SLCO1B1: variants seen among roughly 807,000 people sequenced by gnomAD.
SLCO1B1 encodes the protein OATP-2.
A neutral mutation model predicts 70.1 loss-of-function variants in SLCO1B1; 81 were observed. The observed-to-expected ratio is 1.16, with a 90% confidence interval of 0.97 to 1.39. The LOEUF is 1.39. Ranked by LOEUF, SLCO1B1 falls within the 40% of genes most tolerant of loss-of-function variation. The probability of loss-of-function intolerance (pLI) is 0.00; values close to 1 mark genes in which losing one functional copy is unlikely to be tolerated. For missense variants in SLCO1B1, 895 were observed against 799.6 expected (o/e 1.12, Z -1.44); for synonymous variants, 283 against 271.5 (o/e 1.04, Z -0.42).
At chr12:21,214,683 G>A (rs1265754288) in intron 11 of SLCO1B1, among the ~76,000 whole-genome samples, 2 of 151,828 alleles carry the variant, frequency 1.3e-5, no homozygotes, top group African/African-American at 4.8e-5. Context: ...CTTGCAGTTT[G>A]ATCTCAGACT....
At chr12:21,206,688 A>T (rs1014898825) in intron 11 of SLCO1B1, among the ~76,000 whole-genome samples, 1 of 151,796 alleles carries the variant, frequency 6.6e-6, no homozygotes, top group African/African-American at 2.4e-5. Flanking sequence ...CTTTCTTTCC[A>T]TGTGAACTAC....
rs1941621057 is a variant in SLCO1B1 at position 21,238,997 on chromosome 12, G to T, written c.1884G>T (p.Leu628Phe). ...TCTACAGAAGGGTCTACTTGGGCTT[G>T]TCTTCAATGTTAAGAGTCTCATCAC... is the stretch of plus-strand genomic sequence containing the variant. ...STSFSRVYLG[L>F]SSMLRVSSLV... Residue 628 changes from leucine (L) to phenylalanine (F), a missense_variant, in exon 15 of 15, where the codon TTG (leucine) becomes TTT (phenylalanine). By Grantham distance (22) the Leu-to-Phe change is conservative (BLOSUM62 0). Transcript: ENST00000256958. 6.3e-7 allele frequency: 1 copy of T among 1,575,406 alleles called. No homozygotes were observed. The highest frequency in any genetic ancestry group is 8.7e-7 in the Non-Finnish European group (1 of 1,147,922).
At chr12:21,199,365 C>T (rs888136800) in intron 8 of SLCO1B1, among the ~76,000 whole-genome samples, 1 of 152,226 alleles carries the variant, frequency 6.6e-6, no homozygotes, top group East Asian at 1.9e-4. Context: ...ACCTGGTGAT[C>T]ACAGATCCAA....
Position 21,178,831 on chromosome 12 carries a change from A to G in SLCO1B1, c.629-91A>G, listed in dbSNP as rs910853009. 8 of 1,348,614 alleles carry G rather than the reference A, an allele frequency of 5.9e-6. No homozygotes were observed. The Admixed American group carries it at 8.4e-5, about 14-fold the overall frequency. 83.5% of individuals were successfully genotyped at this position (1,348,614 alleles called of 1,614,324 possible). ...TACCTATTAGAACATATATTTGGGT[A>G]TATGTATTGTATCATATTTCTTTTA... On this transcript the variant is annotated intron_variant, in intron 6 of 14. Transcript: ENST00000256958.
At chr12:21,183,896 T>TA (rs1170358011) in intron 7 of SLCO1B1, among the ~76,000 whole-genome samples, 3 of 151,796 alleles carry the variant, frequency 2.0e-5, no homozygotes, top group African/African-American at 4.8e-5. Context: ...TAATAGCCAT[T>TA]AAAAAAACAC....
intron 2 of SLCO1B1, among the ~76,000 whole-genome samples, chr12:21,162,075 A>G: frequency 6.6e-6 from 1 of 151,788 alleles, no homozygotes; most frequent in Admixed American, 6.6e-5. Context: ...TCTAGGAACA[A>G]TTTTTTAAAA....
chr12:21,196,620 G>C (rs1242358422), intron 7 of SLCO1B1, among the ~76,000 whole-genome samples: 2 of 152,060 alleles, frequency 1.3e-5, no homozygotes, highest in Non-Finnish European at 2.9e-5. Flanking sequence ...AGACGTCATA[G>C]TTCTTCCACA....
At chr12:21,136,008 G>T (rs1054028839) in intron 1 of SLCO1B1, among the ~76,000 whole-genome samples, 6 of 152,064 alleles carry the variant, frequency 3.9e-5, no homozygotes, top group Non-Finnish European at 7.4e-5. Flanking sequence ...CTTCCTTCAG[G>T]AGCTCTTTTA....
chr12:21,201,897 G>A (rs1296102154), intron 9 of SLCO1B1, among the ~76,000 whole-genome samples: 1 of 152,078 alleles, frequency 6.6e-6, no homozygotes, highest in Admixed American at 6.6e-5. Flanking sequence ...CTACTATAAA[G>A]ATACATGCAC....
intron 11 of SLCO1B1, among the ~76,000 whole-genome samples, chr12:21,215,047 G>A (rs1056802464): frequency 2.6e-5 from 4 of 152,216 alleles, no homozygotes; most frequent in Admixed American, 1.3e-4. Flanking sequence ...GCTGGGAGCT[G>A]TAGACCGGAG....
chr12:21,133,231 T>C lies in SLCO1B1; in HGVS notation c.-62+1995T>C, dbSNP rs1252545139. On this transcript the variant is annotated intron_variant, in intron 1 of 14. Coordinates refer to ENST00000256958, the MANE Select transcript of SLCO1B1 (RefSeq NM_006446.5). ...ACCAGTACCATGCTGTTTTGGTTAC[T>C]GTAGCCTTGTAGTATAGTTTGAAGT... is the stretch of plus-strand genomic sequence containing the variant. Among the ~76,000 whole-genome samples, 3 of 152,106 alleles carry C rather than the reference T, an allele frequency of 2.0e-5. No individual in the cohort carries two copies. In the South Asian group the frequency reaches 6.2e-4, roughly 31 times the overall value.
In SLCO1B1 at chr12:21,239,117, A is replaced by G. The variant is rs774382031; in HGVS notation, c.2004A>G (p.Ala668=). The G allele has an allele frequency of 1.9e-6, 3 of 1,613,044 alleles. No individual in the cohort carries two copies. In the South Asian group the frequency reaches 3.3e-5, roughly 18 times the overall value. ...AAAATGGAAGTGTCATGGATGAAGC[A>G]AACTTAGAATCCTTAAATAAAAATA... ...ASENGSVMDE[A]NLESLNKNKH... is the part of the protein sequence containing the mutation. The change falls in exon 15 of 15, where the codon GCA becomes GCG. Residue 668 remains alanine (A), a synonymous_variant. Transcript: ENST00000256958.
Position 21,202,620 on chromosome 12 carries a change from A to T in SLCO1B1, c.1265A>T (p.Tyr422Phe). The change falls in exon 10 of 15, where the codon TAC becomes TTC. Residue 422 changes from tyrosine to phenylalanine, a missense_variant. Tyr to Phe is a conservative substitution (Grantham distance 22). Transcript: ENST00000256958. ...CFTAVMSLSF[Y>F]LLYFFILCEN... The stretch of plus-strand genomic sequence containing the variant: ...ACTGCTGTGATGTCATTGTCCTTTT[A>T]CCTATTATATTTTTTCATACTCTGT... The T allele has an allele frequency of 6.2e-7, 1 of 1,612,766 alleles. No individual in the cohort carries two copies. Among genetic ancestry groups the T allele is most frequent in the Middle Eastern group, 1.7e-4 (1 of 6,042 alleles).
rs1352089009 is a variant in SLCO1B1 at position 21,239,315 on chromosome 12, T to C, written c.*126T>C. 29 of 768,178 alleles carry C rather than the reference T, an allele frequency of 3.8e-5. No homozygotes were observed. In the East Asian group the frequency reaches 7.0e-4, roughly 19 times the overall value. 47.6% of individuals were successfully genotyped at this position (768,178 alleles called of 1,614,324 possible). On this transcript the variant is annotated 3_prime_UTR_variant, in exon 15 of 15. Coordinates refer to ENST00000256958, the MANE Select transcript of SLCO1B1 (RefSeq NM_006446.5). The stretch of plus-strand genomic sequence containing the variant: ...ATTTCCACATCTTTTATGGTGGAAG[T>C]ATAAATAAGCCTATGAACTTATAAT...
chr12:21,167,287 C>T (rs898544397), intron 2 of SLCO1B1, among the ~76,000 whole-genome samples: 1 of 151,910 alleles, frequency 6.6e-6, no homozygotes, highest in African/African-American at 2.4e-5. Context: ...TAAAATGTGA[C>T]AATGAAAATT....
chr12:21,176,738 A>G, intron 4 of SLCO1B1, 38 bp from the exon 5 acceptor site: 1 of 1,449,698 alleles, frequency 6.9e-7, no homozygotes, highest in South Asian at 1.1e-5. Flanking sequence ...AATATTCAGT[A>G]GATAAGCAAA....
intron 12 of SLCO1B1, among the ~76,000 whole-genome samples, chr12:21,220,498 T>C (rs1380080499): frequency 6.6e-6 from 1 of 152,086 alleles, no homozygotes; most frequent in Non-Finnish European, 1.5e-5. Flanking sequence ...CCCAAGGCGG[T>C]ATTAAAATCC....
At chr12:21,142,296 A>G (rs1940321665) in intron 2 of SLCO1B1, among the ~76,000 whole-genome samples, 1 of 151,978 alleles carries the variant, frequency 6.6e-6, no homozygotes, top group African/African-American at 2.4e-5. Context: ...TGATGCTGGC[A>G]TTTTTATAAA....
chr12:21,215,050 G>A (rs948541979), intron 11 of SLCO1B1, among the ~76,000 whole-genome samples: 1 of 152,330 alleles, frequency 6.6e-6, no homozygotes, highest in South Asian at 2.1e-4. Flanking sequence ...GGGAGCTGTA[G>A]ACCGGAGCTG....
Sources: allele counts gnomAD v4.1 joint callset (sites outside exome capture counted in the v4.1 genomes callset), GRCh38; gene constraint gnomAD v4.1.1; transcripts MANE v1.5; gene names NCBI Gene and HGNC (gene_info 2026-07-23, HGNC 2026-07-21).